The following UGT1A9 variants were observed in gnomAD, a reference collection of about 807,000 sequenced individuals.
UGT1A9 encodes UDP glucuronosyltransferase family 1 member A9.
Under a neutral mutation model 45.0 loss-of-function variants are expected in UGT1A9, and 35 were observed. The observed-to-expected ratio is 0.78, with a 90% CI of 0.59 to 1.03. The LOEUF is 1.03. UGT1A9 is among the 50% of genes least tolerant of loss of function. The pLI is 0.00. For missense variants in UGT1A9, 687 were observed against 666.6 expected (o/e 1.03, Z -0.34); for synonymous variants, 278 against 250.6 (o/e 1.11, Z -1.03).
intron 1 of UGT1A9, chr2:233,742,083 T>C (rs971909103): frequency 2.6e-5 from 4 of 151,868 alleles, no homozygotes; most frequent in Non-Finnish European, 5.9e-5. Context: ...ATCCTTTTTT[T>C]ACATTTCCAG....
chr2:233,720,461 C>T (rs1003798976), intron 1 of UGT1A9, among the ~76,000 whole-genome samples: 2 of 151,944 alleles, frequency 1.3e-5, no homozygotes, highest in African/African-American at 4.8e-5. Flanking sequence ...AAGCTGGGAC[C>T]AGTGATGAAT....
At chr2:233,742,236 G>A (rs571045989) in intron 1 of UGT1A9, among the ~76,000 whole-genome samples, 1 of 151,990 alleles carries the variant, frequency 6.6e-6, no homozygotes, top group African/African-American at 2.4e-5. Context: ...CCCAAACAGA[G>A]ATTTACCCAC....
chr2:233,682,155 C>T, intron 1 of UGT1A9: 5 of 1,614,196 alleles, frequency 3.1e-6, no homozygotes, highest in Non-Finnish European at 4.2e-6. Flanking sequence ...CTGAATTGCA[C>T]AGTGAAGACT....
At chr2:233,725,394 T>G (rs2077443989) in intron 1 of UGT1A9, among the ~76,000 whole-genome samples, 1 of 151,450 alleles carries the variant, frequency 6.6e-6, no homozygotes, top group Admixed American at 6.6e-5. Flanking sequence ...ATAGGTTACC[T>G]TGATGGTCTA....
At chr2:233,706,053 C>G (rs1254289115) in intron 1 of UGT1A9, among the ~76,000 whole-genome samples, 3 of 152,144 alleles carry the variant, frequency 2.0e-5, no homozygotes, top group Non-Finnish European at 4.4e-5. Flanking sequence ...CGAGATCACG[C>G]CACTGCATGC....
intron 1 of UGT1A9, chr2:233,682,088 AG>A (rs1304438877): frequency 1.2e-6 from 2 of 1,613,894 alleles, no homozygotes; most frequent in African/African-American, 2.7e-5. Context: ...ACTCATCCTC[AG>A]GGGGCATGAG....
At chr2:233,725,006 G>A (rs112132688) in intron 1 of UGT1A9, among the ~76,000 whole-genome samples, 45,538 of 146,588 alleles carry the variant, frequency 0.31, 9,033 homozygotes, top group South Asian at 0.46. Flanking sequence ...AGACCGGCCC[G>A]GCCAAACAGC....
chr2:233,693,738 C>A, intron 1 of UGT1A9: 2 of 1,614,170 alleles, frequency 1.2e-6, no homozygotes, highest in South Asian at 2.2e-5. Context: ...GATATAATCA[C>A]CTTATATCAG....
At chr2:233,679,143 A>G (rs1205830225) in intron 1 of UGT1A9, among the ~76,000 whole-genome samples, 2 of 152,148 alleles carry the variant, frequency 1.3e-5, no homozygotes, top group Non-Finnish European at 2.9e-5. Context: ...GAGAGACTGA[A>G]TTAGAGATGT....
intron 1 of UGT1A9, among the ~76,000 whole-genome samples, chr2:233,730,402 A>G (rs1395963298): frequency 2.6e-5 from 4 of 152,200 alleles, no homozygotes; most frequent in Non-Finnish European, 1.5e-5. Flanking sequence ...AGTAAATTAC[A>G]ATTGTTGACA....
chr2:233,680,563 T>C (rs1328827693), intron 1 of UGT1A9, among the ~76,000 whole-genome samples: 1 of 152,176 alleles, frequency 6.6e-6, no homozygotes, highest in Non-Finnish European at 1.5e-5. Context: ...CTCAGTGTGT[T>C]GCCTAACACA....
chr2:233,729,808 T>A, intron 1 of UGT1A9: 1 of 1,613,986 alleles, frequency 6.2e-7, no homozygotes, highest in Non-Finnish European at 8.5e-7. Context: ...CCATGCTTTT[T>A]CTGCTCCTTA....
Position 233,720,632 on chromosome 2 carries a change from G to A in UGT1A9, c.856-46402G>A, listed in dbSNP as rs527749966. 4.6e-5 allele frequency among the ~76,000 whole-genome samples: 7 copies of A among 151,594 alleles called. No homozygotes were observed. In the South Asian group the frequency reaches 1.3e-3, roughly 27 times the overall value. ...AGAATATTTGGGTTTCATTGAAATA[G>A]TACTCTGGGATGTGAAAAACCAAAT... On this transcript the variant is annotated intron_variant, in intron 1 of 4. Coordinates refer to ENST00000354728, the MANE Select transcript of UGT1A9 (RefSeq NM_021027.3).
chr2:233,760,336 C>A (rs1472715638), intron 1 of UGT1A9: 1 of 1,614,048 alleles, frequency 6.2e-7, no homozygotes. Context: ...GGGCCTGCTG[C>A]TGTGTGTGCT....
intron 1 of UGT1A9, among the ~76,000 whole-genome samples, chr2:233,686,765 A>G (rs926111347): frequency 6.6e-6 from 1 of 151,996 alleles, no homozygotes; most frequent in Non-Finnish European, 1.5e-5. Flanking sequence ...GCTTTATTTT[A>G]TGCAACACTC....
chr2:233,686,593 T>G (rs1383954117), intron 1 of UGT1A9, among the ~76,000 whole-genome samples: 1 of 152,128 alleles, frequency 6.6e-6, no homozygotes, highest in East Asian at 1.9e-4. Context: ...ACTGCTGCTT[T>G]CTTTGACTGT....
At chr2:233,754,596 T>C (rs1463963826) in intron 1 of UGT1A9, 2 of 431,834 alleles carry the variant, frequency 4.6e-6, no homozygotes, top group Non-Finnish European at 9.3e-6. Context: ...TGAAGGACTT[T>C]AACTCAACTC....
In UGT1A9 at chr2:233,672,695, G is replaced by A. The variant is rs375970481; in HGVS notation, c.761G>A (p.Arg254Gln). ...AGCCACACATCAATTTGGTTGTTGC[G>A]AACGGACTTTGTTTTGGACTATCCC... is the stretch of plus-strand genomic sequence containing the variant. ...LYSHTSIWLL[R>Q]TDFVLDYPKP... Residue 254 changes from arginine (R) to glutamine (Q), a missense_variant, in exon 1 of 5, where the codon CGA (arginine) becomes CAA (glutamine). Coordinates refer to ENST00000354728, the MANE Select transcript of UGT1A9 (RefSeq NM_021027.3). 8 of 1,613,854 alleles carry A rather than the reference G, an allele frequency of 5.0e-6. No individual in the cohort carries two copies. The highest frequency in any genetic ancestry group is 3.3e-5 in the South Asian group (3 of 91,068).
intron 1 of UGT1A9, among the ~76,000 whole-genome samples, chr2:233,684,010 T>C (rs1275179679): frequency 6.6e-6 from 1 of 152,204 alleles, no homozygotes; most frequent in Admixed American, 6.5e-5. Flanking sequence ...AAGAGTAAGA[T>C]TCTTGGCAAA....
Sources: gnomAD v4.1 joint callset for allele counts (sites outside exome capture counted in the v4.1 genomes callset) on GRCh38, gnomAD v4.1.1 for gene constraint, MANE v1.5 for transcripts, NCBI Gene and HGNC (gene_info 2026-07-23, HGNC 2026-07-21) for gene names.